The following COL24A1 variants were observed in gnomAD, a reference collection of about 807,000 sequenced individuals.
COL24A1 encodes collagen alpha-1(XXIV) chain.
A neutral mutation model predicts 253.9 loss-of-function variants in COL24A1; 224 were observed. The observed-to-expected ratio is 0.88, with a 90% confidence interval of 0.79 to 0.99. The LOEUF (loss-of-function observed/expected upper bound fraction) is 0.99. Among genes scored for constraint, COL24A1 ranks in the 50% least tolerant of loss-of-function variants. The probability of loss-of-function intolerance (pLI) is 0.00; values close to 1 mark genes in which losing one functional copy is unlikely to be tolerated. For synonymous variants in COL24A1, 685 were observed against 673.7 expected (o/e 1.02, Z -0.26); for missense variants, 2,131 against 2,068.5 (o/e 1.03, Z -0.59).
chr1:85,740,734 A>C (rs1477559360), intron 57 of COL24A1, among the ~76,000 whole-genome samples: 1 of 151,636 alleles, frequency 6.6e-6, no homozygotes, highest in Non-Finnish European at 1.5e-5. Flanking sequence ...GGTCTCCCAA[A>C]GTGCTGGGAT....
intron 53 of COL24A1, among the ~76,000 whole-genome samples, chr1:85,773,356 C>CT (rs1668177573): frequency 6.6e-6 from 1 of 152,072 alleles, no homozygotes. Flanking sequence ...TATGTGGGCT[C>CT]TTTTTTGGTT....
At chr1:85,815,677 C>T (rs1258534875) in intron 47 of COL24A1, among the ~76,000 whole-genome samples, 3 of 151,144 alleles carry the variant, frequency 2.0e-5, no homozygotes, top group Non-Finnish European at 4.4e-5. Context: ...GGTATAGCAC[C>T]ATACTAGATT....
intron 59 of COL24A1, among the ~76,000 whole-genome samples, chr1:85,732,504 C>T (rs1557915054): frequency 6.6e-6 from 1 of 151,648 alleles, no homozygotes; most frequent in Non-Finnish European, 1.5e-5. Context: ...GCTGGGATTA[C>T]AGGCATGAGC....
At position 86,125,046 on chromosome 1, in the gene COL24A1, T is replaced by C; in HGVS notation, c.1290A>G (p.Thr430=). 2 of 1,612,990 alleles carry C rather than the reference T, an allele frequency of 1.2e-6. No homozygotes were observed. Among genetic ancestry groups the C allele is most frequent in the Non-Finnish European group, 1.7e-6 (2 of 1,179,528 alleles). Residue 430 remains threonine, a synonymous_variant, in exon 3 of 60, where the codon ACA becomes ACG. Transcript: ENST00000370571. ...ELMEMQPILN[T]SLHRVTNEPS... is the part of the protein sequence containing the mutation. The stretch of plus-strand genomic sequence containing the variant: ...GCTCATTTGTCACTCTATGCAAGCT[T>C]GTGTTTAAAATTGGTTGCATTTCCA...
chr1:85,844,196 G>C (rs1304952522), intron 39 of COL24A1, among the ~76,000 whole-genome samples: 1 of 152,052 alleles, frequency 6.6e-6, no homozygotes, highest in Non-Finnish European at 1.5e-5. Context: ...GAAAATTTTA[G>C]TAAATTTCCT....
chr1:85,842,339 C>T lies in COL24A1; in HGVS notation c.3516+1G>A, dbSNP rs751824925. 3.8e-6 allele frequency: 6 copies of T among 1,591,220 alleles called. No homozygotes were observed. In the East Asian group the frequency reaches 1.1e-4, roughly 30 times the overall value. On this transcript the variant is annotated splice_donor_variant, in intron 40 of 59. Transcript: ENST00000370571. LOFTEE classifies it high-confidence loss of function. ...ATATTTTTTCAATTATAAATACTTA[C>T]CCTGTACCCTGGAATTCCTGGTTCT...
At position 85,782,681 on chromosome 1, in the gene COL24A1, T is replaced by A. The variant is rs1374533514; in HGVS notation, c.4284+815A>T. Among the ~76,000 whole-genome samples the A allele has an allele frequency of 2.0e-5, 3 of 152,354 alleles. No individual in the cohort carries two copies. The East Asian group carries it at 5.8e-4, about 29-fold the overall frequency. The stretch of plus-strand genomic sequence containing the variant: ...GGATTTTAGAAGTTTGACTTTCATT[T>A]AATAGTTATTTAAGATACCTTTATC... On this transcript the variant is annotated intron_variant, in intron 51 of 59. Transcript: ENST00000370571.
chr1:86,149,091 CACCA>C (rs1652360574), intron 1 of COL24A1, among the ~76,000 whole-genome samples: 2 of 152,190 alleles, frequency 1.3e-5, no homozygotes, highest in Non-Finnish European at 2.9e-5. Flanking sequence ...GACAGAGTTT[CACCA>C]TGTTGGCCAG....
chr1:86,002,073 G>A (rs754907330), intron 19 of COL24A1, among the ~76,000 whole-genome samples: 1 of 152,152 alleles, frequency 6.6e-6, no homozygotes, highest in Non-Finnish European at 1.5e-5. Context: ...CCAAAGATCT[G>A]TTGAAAATGA....
At chr1:86,047,266 C>T (rs1383180303) in intron 11 of COL24A1, among the ~76,000 whole-genome samples, 2 of 152,210 alleles carry the variant, frequency 1.3e-5, no homozygotes, top group African/African-American at 2.4e-5. Context: ...AACAAGGACA[C>T]ATTTAACCTG....
chr1:85,870,875 G>GA (rs1435025051), intron 35 of COL24A1, among the ~76,000 whole-genome samples: 6 of 151,774 alleles, frequency 4.0e-5, no homozygotes, highest in Non-Finnish European at 4.4e-5. Context: ...GATAGAGACA[G>GA]AAAAAACCCT....
At chr1:86,124,668 T>C (rs1199481621) in intron 3 of COL24A1, among the ~76,000 whole-genome samples, 177 bp downstream of exon 3, 1 of 151,972 alleles carries the variant, frequency 6.6e-6, no homozygotes, top group East Asian at 1.9e-4. Flanking sequence ...AGGGTTACAT[T>C]CTGGCAGATA....
chr1:86,089,739 G>C (rs1262570640), intron 6 of COL24A1, among the ~76,000 whole-genome samples: 1 of 152,182 alleles, frequency 6.6e-6, no homozygotes, highest in East Asian at 1.9e-4. Context: ...AAAATCACTT[G>C]AACCCGGGAG....
At chr1:86,093,552 G>A (rs1229938979) in intron 5 of COL24A1, among the ~76,000 whole-genome samples, 1 of 152,012 alleles carries the variant, frequency 6.6e-6, no homozygotes, top group Non-Finnish European at 1.5e-5. Flanking sequence ...AGACAACCTA[G>A]GCAATATGAT....
In COL24A1 at chr1:86,124,865, T is replaced by C; in HGVS notation, c.1471A>G (p.Lys491Glu). The change falls in exon 3 of 60, where the codon AAA becomes GAA. Residue 491 changes from lysine (K) to glutamate (E), a missense_variant. Transcript: ENST00000370571. ...MLEMEYLRGPKGDTGPPGPPG... is the reference protein window; with the variant it reads ...MLEMEYLRGPEGDTGPPGPPG... ...CTTACGGGAGGTCCAGTGTCTCCTT[T>C]TGGCCCTCTCAGATACTCCATTTCA... is the stretch of plus-strand genomic sequence containing the variant. 1 of 1,567,532 alleles carries C rather than the reference T, an allele frequency of 6.4e-7. No individual in the cohort carries two copies. Among genetic ancestry groups the C allele is most frequent in the Non-Finnish European group, 8.6e-7 (1 of 1,164,394 alleles).
At chr1:86,151,593 G>C (rs1255165667) in intron 1 of COL24A1, among the ~76,000 whole-genome samples, 3 of 152,024 alleles carry the variant, frequency 2.0e-5, no homozygotes, top group Non-Finnish European at 4.4e-5. Context: ...AAGAGGATAA[G>C]ACAGAAAATA....
intron 52 of COL24A1, among the ~76,000 whole-genome samples, chr1:85,777,911 G>A (rs931801124): frequency 6.6e-6 from 1 of 151,908 alleles, no homozygotes; most frequent in Admixed American, 6.6e-5. Flanking sequence ...TTTTGGATTT[G>A]TTCTTTTTTT....
chr1:86,127,029 A>G (rs1372161971), intron 2 of COL24A1, among the ~76,000 whole-genome samples: 1 of 152,108 alleles, frequency 6.6e-6, no homozygotes, highest in Non-Finnish European at 1.5e-5. Flanking sequence ...CTGGGAATTT[A>G]CAAGTTGCAT....
chr1:85,816,958 T>C (rs1673104451), intron 46 of COL24A1, 63 bp from the exon 47 acceptor site: 1 of 1,220,034 alleles, frequency 8.2e-7, no homozygotes, highest in Non-Finnish European at 1.2e-6. Flanking sequence ...TGACAAATAC[T>C]TTTTTATTTA....
Sources: gnomAD v4.1 joint callset for allele counts (sites outside exome capture counted in the v4.1 genomes callset) on GRCh38, gnomAD v4.1.1 for gene constraint, MANE v1.5 for transcripts, NCBI Gene and HGNC (gene_info 2026-07-23, HGNC 2026-07-21) for gene names.